The following ADAMTS17 variants were observed in gnomAD, a reference collection of about 807,000 sequenced individuals.
ADAMTS17 encodes ADAM metallopeptidase with thrombospondin type 1 motif 17, also known as A disintegrin and metalloproteinase with thrombospondin motifs 17.
In ADAMTS17, 113 loss-of-function variants were observed where a neutral mutation model predicts 141.5. That is an observed-to-expected ratio of 0.80 (90% CI 0.69 to 0.93). The LOEUF (loss-of-function observed/expected upper bound fraction) is 0.93, where lower values mean the gene tolerates loss of function less well. Among genes scored for constraint, ADAMTS17 ranks in the 40% least tolerant of loss-of-function variants. ADAMTS17 has a pLI of 0.00. For synonymous variants in ADAMTS17, 768 were observed against 630.6 expected, an observed-to-expected ratio of 1.22 and a Z score of -3.27; for missense variants, 1,659 against 1,517.9, an observed-to-expected ratio of 1.09 and a Z score of -1.54.
In ADAMTS17 at chr15:99,974,328, C is replaced by T. The variant is rs2060273699; in HGVS notation, c.*74G>A. 1 of 1,604,630 alleles carries T rather than the reference C, an allele frequency of 6.2e-7. No individual in the cohort carries two copies. ...TGGCAGCCGGGTGGGGGCGTGGCCA[C>T]AAGGCTGGTAGGCTTGCGGGTGGGT... On this transcript the variant is annotated 3_prime_UTR_variant, in exon 22 of 22. Coordinates refer to ENST00000268070, the MANE Select transcript of ADAMTS17 (RefSeq NM_139057.4).
Position 99,974,275 on chromosome 15 carries a change from G to T in ADAMTS17, c.*127C>A. On this transcript the variant is annotated 3_prime_UTR_variant, in exon 22 of 22. Coordinates refer to ENST00000268070, the MANE Select transcript of ADAMTS17 (RefSeq NM_139057.4). ...CACTAATGGCAAACGCCAAGTCCAC[G>T]CTCATGTTCTATGTAGTTGGATTCT... 2 of 1,248,160 alleles carry T rather than the reference G, an allele frequency of 1.6e-6. No homozygotes were observed. Among genetic ancestry groups the T allele is most frequent in the Non-Finnish European group, 2.3e-6 (2 of 863,720 alleles). The allele number at this position is 1,248,160 out of a possible 1,614,324, so 77.3% of individuals were successfully genotyped here.
chr15:100,204,465 G>A (rs2041455881), intron 7 of ADAMTS17, among the ~76,000 whole-genome samples: 1 of 152,224 alleles, frequency 6.6e-6, no homozygotes, highest in African/African-American at 2.4e-5. Flanking sequence ...CAGGCTCATT[G>A]ACAAGTCCTT....
At chr15:100,269,710 T>TCCAGCCTGAGAGGTCAAGCCTGCATGA in intron 4 of ADAMTS17, among the ~76,000 whole-genome samples, 1 of 152,120 alleles carries the variant, frequency 6.6e-6, no homozygotes, top group South Asian at 2.1e-4. Flanking sequence ...GCAGCAGGAA[T>TCCAGCCTGAGAGGTCAAGCCTGCATGA]CCAGCCTGAG....
intron 13 of ADAMTS17, among the ~76,000 whole-genome samples, chr15:100,113,808 G>A (rs1436638021): frequency 7.9e-5 from 12 of 152,212 alleles, no homozygotes; most frequent in Admixed American, 5.9e-4. Flanking sequence ...TCATCCCCAC[G>A]GAGGCTCAGA....
At chr15:100,084,439 C>T (rs999060051) in intron 15 of ADAMTS17, among the ~76,000 whole-genome samples, 4 of 152,322 alleles carry the variant, frequency 2.6e-5, no homozygotes, top group South Asian at 2.1e-4. Flanking sequence ...AAACAAAAGG[C>T]AGGAGAAACC....
chr15:99,979,927 T>C (rs1240536008), intron 20 of ADAMTS17: 1 of 152,232 alleles, frequency 6.6e-6, no homozygotes, highest in Non-Finnish European at 1.5e-5. Context: ...TATATCTAAA[T>C]GTGTTATGTA....
intron 4 of ADAMTS17, among the ~76,000 whole-genome samples, chr15:100,274,848 T>C (rs35386410): frequency 0.11 from 17,438 of 152,174 alleles, 1,078 homozygotes; most frequent in Non-Finnish European, 0.14. Flanking sequence ...TAATTCCCTT[T>C]TCATTTGCTT....
intron 18 of ADAMTS17, among the ~76,000 whole-genome samples, chr15:100,039,068 T>G (rs1019296028): frequency 6.6e-6 from 1 of 152,214 alleles, no homozygotes; most frequent in African/African-American, 2.4e-5. Context: ...TCCCAATCCT[T>G]TTTATTTCTG....
Position 99,993,822 on chromosome 15 carries a change from C to G in ADAMTS17, c.2797-622G>C, listed in dbSNP as rs144264617. The stretch of plus-strand genomic sequence containing the variant: ...CCAAGAATGGTGACAGACGCATGGC[C>G]CCTGTGGTAGTTTACTTACTTGCAG... On this transcript the variant is annotated intron_variant, in intron 19 of 21. Transcript: ENST00000268070. The surrounding 1 kb of genome is among the most constrained non-coding windows in gnomAD (Gnocchi z 4.3). Among the ~76,000 whole-genome samples, 3 of 152,070 alleles carry G rather than the reference C, an allele frequency of 2.0e-5. No individual in the cohort carries two copies. Among genetic ancestry groups the G allele is most frequent in the African/African-American group, 4.8e-5 (2 of 41,386 alleles).
chr15:100,056,801 C>T (rs1020093312), intron 15 of ADAMTS17, among the ~76,000 whole-genome samples: 1 of 152,114 alleles, frequency 6.6e-6, no homozygotes, highest in Admixed American at 6.5e-5. Context: ...ATTTTGAGGG[C>T]CTCCTCACTG....
chr15:100,185,261 G>C (rs909461529), intron 8 of ADAMTS17, among the ~76,000 whole-genome samples: 1 of 152,192 alleles, frequency 6.6e-6, no homozygotes, highest in East Asian at 1.9e-4. Context: ...CCATGGAGTA[G>C]CTGGGATGAA....
intron 7 of ADAMTS17, among the ~76,000 whole-genome samples, chr15:100,228,602 G>A (rs2141834928): frequency 6.6e-6 from 1 of 152,334 alleles, no homozygotes; most frequent in East Asian, 1.9e-4. Context: ...CAGCCCAAGT[G>A]GACATGTGAG....
chr15:100,011,837 T>C (rs2141407739), intron 18 of ADAMTS17, among the ~76,000 whole-genome samples: 1 of 152,376 alleles, frequency 6.6e-6, no homozygotes, highest in South Asian at 2.1e-4. Flanking sequence ...TTTGCAATTG[T>C]GAATTGTGCT....
At chr15:100,069,572 G>A (rs977766963) in intron 15 of ADAMTS17, among the ~76,000 whole-genome samples, 1 of 152,180 alleles carries the variant, frequency 6.6e-6, no homozygotes, top group Non-Finnish European at 1.5e-5. Context: ...AGCCAGAAGA[G>A]AGTGGGGGCC....
At chr15:100,193,892 G>T (rs983672728) in intron 8 of ADAMTS17, among the ~76,000 whole-genome samples, 1 of 152,218 alleles carries the variant, frequency 6.6e-6, no homozygotes, top group Non-Finnish European at 1.5e-5. Context: ...CCCGAGGAGA[G>T]GCTGCAGGAG....
At chr15:100,248,275 G>A (rs186995524) in intron 7 of ADAMTS17, among the ~76,000 whole-genome samples, 1 of 152,282 alleles carries the variant, frequency 6.6e-6, no homozygotes, top group East Asian at 1.9e-4. Flanking sequence ...ATTTAGGCTG[G>A]CACAAAAACC....
chr15:100,084,289 T>TG (rs1442914125), intron 15 of ADAMTS17, among the ~76,000 whole-genome samples: 1 of 152,176 alleles, frequency 6.6e-6, no homozygotes, highest in Admixed American at 6.5e-5. Context: ...GCAGCGAGGC[T>TG]GGGGGTGGGG....
At chr15:100,101,554 G>T (rs1178709586) in intron 14 of ADAMTS17, among the ~76,000 whole-genome samples, 1 of 152,180 alleles carries the variant, frequency 6.6e-6, no homozygotes, top group African/African-American at 2.4e-5. Context: ...GTGAGTATGT[G>T]TCATCTCCCT....
chr15:100,301,306 C>G (rs1169437790), intron 3 of ADAMTS17, among the ~76,000 whole-genome samples: 1 of 150,796 alleles, frequency 6.6e-6, no homozygotes, highest in Non-Finnish European at 1.5e-5. Flanking sequence ...TTTTCTCTCT[C>G]TACTGTTCTA....
Sources: allele counts gnomAD v4.1 joint callset (sites outside exome capture counted in the v4.1 genomes callset), GRCh38; gene constraint gnomAD v4.1.1; non-coding constraint Gnocchi (gnomAD v3.1); transcripts MANE v1.5; gene names NCBI Gene and HGNC (gene_info 2026-07-23, HGNC 2026-07-21).